The following POLA1 variants were observed in gnomAD, a reference collection of about 807,000 sequenced individuals.
POLA1 encodes DNA polymerase alpha 1, catalytic subunit, also known as DNA polymerase alpha catalytic subunit.
In POLA1, 15 loss-of-function variants were observed where a neutral mutation model predicts 124.0. The ratio of observed to expected loss-of-function variants is 0.12; its 90% CI spans 0.08 to 0.19. The LOEUF is 0.19. Among genes scored for constraint, POLA1 ranks in the 10% least tolerant of loss-of-function variants. POLA1 has a pLI of 1.00. For missense variants in POLA1, 886 were observed against 1,103.4 expected, an observed-to-expected ratio of 0.80 and a Z score of 2.79; for synonymous variants, 408 against 389.4, an observed-to-expected ratio of 1.05 and a Z score of -0.56.
intron 28 of POLA1, among the ~76,000 whole-genome samples, chrX:24,811,937 C>T (rs1020115653): frequency 1.8e-5 from 2 of 112,503 alleles, no homozygotes; most frequent in African/African-American, 6.5e-5. Context: ...TTTAGAAACA[C>T]TTGCTATGTT....
chrX:24,994,323 G>A (rs1055508067), intron 36 of POLA1, among the ~76,000 whole-genome samples: 4 of 113,055 alleles, frequency 3.5e-5, no homozygotes, highest in South Asian at 3.6e-4. Context: ...GAGCAAATGC[G>A]AATGTATAGC....
chrX:24,982,954 T>G (rs976445736), intron 36 of POLA1, among the ~76,000 whole-genome samples: 1 of 112,338 alleles, frequency 8.9e-6, no homozygotes, highest in Non-Finnish European at 1.9e-5. Context: ...ATTTTAAAAA[T>G]TATATAAATA....
chrX:24,717,301 C>G lies in POLA1; in HGVS notation c.718C>G (p.Gln240Glu), dbSNP rs1257391842. 46 of 1,207,637 alleles carry G rather than the reference C, an allele frequency of 3.8e-5. No individual in the cohort carries two copies. The highest frequency in any genetic ancestry group is 5.0e-5 in the Non-Finnish European group (45 of 892,113). Reference protein sequence around the residue: ...KRAEFAGDDVQVESTEEEQES... With the variant: ...KRAEFAGDDVEVESTEEEQES... ...GATGATGCCTACAGGCGATGATGTACAGGTCGAGAGTACAGAAGAAGAGCA... is the reference window on the plus strand; with the variant it reads ...GATGATGCCTACAGGCGATGATGTAGAGGTCGAGAGTACAGAAGAAGAGCA... The change falls in exon 9 of 37, where the codon CAG (glutamine) becomes GAG (glutamate). Residue 240 changes from glutamine to glutamate, a missense_variant. Around this residue, in one of 7 missense-constraint regions of POLA1, gnomAD observed 337 missense variants for 402.8 expected, o/e 0.84. Coordinates refer to ENST00000379068, the MANE Select transcript of POLA1 (RefSeq NM_001330360.2).
chrX:24,927,199 T>C lies in POLA1; in HGVS notation c.4165-3254T>C, dbSNP rs11573478. ...TTGCAGCCAGGTAAGGGACCACTGA[T>C]ATAGGACCTCATCAGAAATCTCAGG... On this transcript the variant is annotated intron_variant, in intron 35 of 36. Transcript: ENST00000379068. Among the ~76,000 whole-genome samples the C allele has an allele frequency of 7.7e-3, 854 of 110,468 alleles. 5 individuals are homozygous for C. The highest frequency in any genetic ancestry group is 0.026 in the African/African-American group (783 of 30,255).
chrX:24,736,462 A>G lies in POLA1; in HGVS notation c.1923+974A>G, dbSNP rs150619822. 1.8e-3 allele frequency among the ~76,000 whole-genome samples: 200 copies of G among 111,713 alleles called. 1 individual carries two copies. Among genetic ancestry groups the G allele is most frequent in the Admixed American group, 0.014 (150 of 10,536 alleles). Reference sequence around the variant, plus strand: ...CAACAGTTTCTTGGACCCCAAGGAGATGCCATGAAGCCTGGGAAACCTGGC... The same window carrying G: ...CAACAGTTTCTTGGACCCCAAGGAGGTGCCATGAAGCCTGGGAAACCTGGC... On this transcript the variant is annotated intron_variant, in intron 18 of 36. Transcript: ENST00000379068.
chrX:24,900,626 G>A (rs1470047577), intron 35 of POLA1, among the ~76,000 whole-genome samples: 1 of 112,175 alleles, frequency 8.9e-6, no homozygotes, highest in African/African-American at 3.2e-5. Flanking sequence ...AAAGATGTAG[G>A]CAGATGCATT....
At chrX:24,785,618 C>A (rs2045347040) in intron 26 of POLA1, among the ~76,000 whole-genome samples, 1 of 112,194 alleles carries the variant, frequency 8.9e-6, no homozygotes, top group African/African-American at 3.2e-5. Flanking sequence ...TTTTAAAAGT[C>A]ATTACTTTCT....
intron 26 of POLA1, among the ~76,000 whole-genome samples, chrX:24,799,920 T>G (rs769806174): frequency 8.9e-6 from 1 of 112,157 alleles, no homozygotes; most frequent in East Asian, 2.8e-4. Flanking sequence ...TCTAAGTGAT[T>G]ACTGAAGTAA....
chrX:24,818,459 A>G (rs1349987072), intron 30 of POLA1, among the ~76,000 whole-genome samples: 1 of 111,406 alleles, frequency 9.0e-6, no homozygotes, highest in African/African-American at 3.3e-5. Context: ...AGAGTTTCCT[A>G]GGCACTCTGC....
chrX:24,805,954 A>G (rs1162809296), intron 26 of POLA1, among the ~76,000 whole-genome samples: 1 of 105,977 alleles, frequency 9.4e-6, no homozygotes, highest in African/African-American at 3.5e-5. Context: ...CTTTCTGGGT[A>G]CTTGTGGCTA....
chrX:24,749,785 A>G (rs1278988711), intron 26 of POLA1, among the ~76,000 whole-genome samples: 1 of 112,550 alleles, frequency 8.9e-6, no homozygotes, highest in Non-Finnish European at 1.9e-5. Flanking sequence ...TGGCTTTAAT[A>G]AGATGGGCCA....
At chrX:24,909,569 G>A (rs1486301142) in intron 35 of POLA1, among the ~76,000 whole-genome samples, 2 of 110,022 alleles carry the variant, frequency 1.8e-5, no homozygotes, top group Admixed American at 9.7e-5. Context: ...TATTTCTGAG[G>A]GCTCTGTTCT....
chrX:24,881,415 AAT>A (rs1186191733), intron 34 of POLA1, among the ~76,000 whole-genome samples: 1 of 111,919 alleles, frequency 8.9e-6, no homozygotes, highest in Non-Finnish European at 1.9e-5. Context: ...GAACAACACT[AAT>A]AGAGTAAATA....
chrX:24,938,041 G>A (rs1057198110), intron 36 of POLA1, among the ~76,000 whole-genome samples: 4 of 112,466 alleles, frequency 3.6e-5, no homozygotes, highest in East Asian at 2.8e-4. Flanking sequence ...TTGTTTCTTC[G>A]TAACTAGAAG....
At chrX:24,758,221 T>C (rs998790916) in intron 26 of POLA1, among the ~76,000 whole-genome samples, 2 of 111,307 alleles carry the variant, frequency 1.8e-5, no homozygotes, top group Non-Finnish European at 3.8e-5. Flanking sequence ...AATATATACT[T>C]ATATGAAAAA....
chrX:24,961,253 G>T (rs1029867590), intron 36 of POLA1, among the ~76,000 whole-genome samples: 1 of 111,466 alleles, frequency 9.0e-6, no homozygotes. Flanking sequence ...TGCTTGGATG[G>T]CGTCCCTTTG....
intron 35 of POLA1, among the ~76,000 whole-genome samples, chrX:24,913,842 A>T (rs1368799384): frequency 9.1e-6 from 1 of 110,263 alleles, no homozygotes; most frequent in African/African-American, 3.3e-5. Context: ...AACGTGGCCA[A>T]CATAGCAAAA....
chrX:24,945,679 C>T (rs924179906), intron 36 of POLA1, among the ~76,000 whole-genome samples: 1 of 111,472 alleles, frequency 9.0e-6, no homozygotes, highest in African/African-American at 3.3e-5. Context: ...GCAGGTGATT[C>T]TGATGCACAC....
At chrX:24,748,727 A>G in intron 25 of POLA1, 143 bp from the exon 26 acceptor site, 1 of 636,217 alleles carries the variant, frequency 1.6e-6, no homozygotes, top group Non-Finnish European at 2.4e-6. Flanking sequence ...TGGATCCAGG[A>G]GAATGGGTTG....
Sources: allele counts gnomAD v4.1 joint callset (sites outside exome capture counted in the v4.1 genomes callset), GRCh38; gene constraint gnomAD v4.1.1; regional missense constraint gnomAD v4.1.1; transcripts MANE v1.5; gene names NCBI Gene and HGNC (gene_info 2026-07-23, HGNC 2026-07-21).